ATP6V1C1: variants seen among roughly 807,000 people sequenced by gnomAD.
ATP6V1C1 encodes the protein ATPase H+ transporting V1 subunit C1, also known as V-type proton ATPase subunit C 1.
A neutral mutation model predicts 53.9 loss-of-function variants in ATP6V1C1; 45 were observed. The observed-to-expected ratio is 0.83, with a 90% confidence interval of 0.66 to 1.07. The LOEUF (loss-of-function observed/expected upper bound fraction) is 1.07, where lower values mean the gene tolerates loss of function less well. Ranked by LOEUF, ATP6V1C1 falls within the 50% of genes least tolerant of loss-of-function variation. ATP6V1C1 has a pLI of 0.00. For synonymous variants in ATP6V1C1, 153 were observed against 155.2 expected, an observed-to-expected ratio of 0.99 and a Z score of 0.11; for missense variants, 315 against 440.3, an observed-to-expected ratio of 0.72 and a Z score of 2.55.
chr8:103,055,930 C>A lies in ATP6V1C1; in HGVS notation c.635C>A (p.Ser212Tyr). ...ETLAEMVVPR[S>Y]SNVLSEDQDS... Reference sequence around the variant, plus strand: ...CTAGCCGAAATGGTAGTTCCAAGGTCTAGCAAGTAAGTAGAAGTCTTTGTA... The same window carrying A: ...CTAGCCGAAATGGTAGTTCCAAGGTATAGCAAGTAAGTAGAAGTCTTTGTA... The change falls in exon 8 of 13, where the codon TCT becomes TAT. Residue 212 changes from serine to tyrosine, a missense_variant. Physicochemically the swap from Ser to Tyr is moderately radical, Grantham distance 144. Coordinates refer to ENST00000518738, the MANE Select transcript of ATP6V1C1 (RefSeq NM_001695.5). 1.2e-6 allele frequency: 2 copies of A among 1,611,524 alleles called. No individual in the cohort carries two copies. Among genetic ancestry groups the A allele is most frequent in the South Asian group, 1.1e-5 (1 of 90,942 alleles).
At position 103,070,792 on chromosome 8, in the gene ATP6V1C1, G is replaced by A. The variant is rs1046636041; in HGVS notation, c.*2045G>A. The A allele has an allele frequency of 6.6e-6, 1 of 152,214 alleles. No individual in the cohort carries two copies. The highest frequency in any genetic ancestry group is 2.4e-5 in the African/African-American group (1 of 41,452). The allele number at this position is 152,214 out of a possible 1,614,324, so 9.4% of individuals were successfully genotyped here. On this transcript the variant is annotated 3_prime_UTR_variant, in exon 13 of 13. Transcript: ENST00000518738. Reference sequence around the variant, plus strand: ...ATTATAGCAGAGTGGCTGAGCATGTGCTCTGAGGCCAGGCCCCAGCTCTGC... The same window carrying A: ...ATTATAGCAGAGTGGCTGAGCATGTACTCTGAGGCCAGGCCCCAGCTCTGC...
intron 8 of ATP6V1C1, among the ~76,000 whole-genome samples, chr8:103,062,178 T>TG (rs1817412890): frequency 7.3e-6 from 1 of 136,994 alleles, no homozygotes; most frequent in Non-Finnish European, 1.6e-5. Context: ...TTTTTTTTTT[T>TG]TTTTTTTTTT....
At chr8:103,068,583 G>T in intron 12 of ATP6V1C1, 69 bp from the exon 13 acceptor site, 1 of 1,225,294 alleles carries the variant, frequency 8.2e-7, no homozygotes. Context: ...AAAGGTAAAT[G>T]TTAATACTTG....
chr8:103,058,156 C>A (rs911800614), intron 8 of ATP6V1C1, among the ~76,000 whole-genome samples: 1 of 152,212 alleles, frequency 6.6e-6, no homozygotes, highest in East Asian at 1.9e-4. Context: ...AGATTTAGAT[C>A]TTTGGACAGT....
intron 1 of ATP6V1C1, among the ~76,000 whole-genome samples, chr8:103,028,925 A>G (rs2458294): frequency 0.046 from 7,017 of 152,276 alleles, 194 homozygotes; most frequent in African/African-American, 0.066. Context: ...AATGGTCTCT[A>G]AACTTTTCAG....
At chr8:103,023,273 G>T (rs1256863859) in intron 1 of ATP6V1C1, among the ~76,000 whole-genome samples, 8 of 148,550 alleles carry the variant, frequency 5.4e-5, no homozygotes, top group Non-Finnish European at 8.9e-5. Flanking sequence ...ATTGAGACAG[G>T]TTGTGGCTTT....
chr8:103,053,095 C>T (rs906618606), intron 6 of ATP6V1C1, among the ~76,000 whole-genome samples: 1 of 151,958 alleles, frequency 6.6e-6, no homozygotes, highest in African/African-American at 2.4e-5. Flanking sequence ...TGATATTTCA[C>T]TGAAAAATAG....
At chr8:103,064,406 C>T (rs1331263901) in intron 10 of ATP6V1C1, among the ~76,000 whole-genome samples, 1 of 152,132 alleles carries the variant, frequency 6.6e-6, no homozygotes, top group African/African-American at 2.4e-5. Flanking sequence ...GATTTTCCAA[C>T]CTAAGGCATT....
At chr8:103,053,767 A>G (rs1817241257) in intron 6 of ATP6V1C1, 117 bp from the exon 7 acceptor site, 8 of 698,822 alleles carry the variant, frequency 1.1e-5, no homozygotes, top group Non-Finnish European at 1.9e-5. Context: ...ATGTTGACTA[A>G]GACTAATCCC....
chr8:103,037,228 A>T (rs1295529833), intron 1 of ATP6V1C1, among the ~76,000 whole-genome samples: 1 of 152,190 alleles, frequency 6.6e-6, no homozygotes, highest in Non-Finnish European at 1.5e-5. Flanking sequence ...ACTTCTTGAG[A>T]TAGGTTCTGG....
intron 12 of ATP6V1C1, among the ~76,000 whole-genome samples, chr8:103,068,261 A>G (rs2458282): frequency 0.039 from 5,938 of 152,340 alleles, 130 homozygotes; most frequent in East Asian, 0.046. Context: ...CAGAATAAGT[A>G]TTACTTATAA....
chr8:103,064,593 G>A, intron 10 of ATP6V1C1, 121 bp from the exon 11 acceptor site: 2 of 714,422 alleles, frequency 2.8e-6, no homozygotes. Context: ...CATGTAGAAA[G>A]TGAATTATGC....
intron 5 of ATP6V1C1, 92 bp downstream of exon 5, chr8:103,051,236 A>T: frequency 1.1e-6 from 1 of 903,766 alleles, no homozygotes. Flanking sequence ...TTAGGTTTTG[A>T]TAAGGCAACT....
At chr8:103,065,959 T>C (rs1817481434) in intron 11 of ATP6V1C1, among the ~76,000 whole-genome samples, 1 of 151,682 alleles carries the variant, frequency 6.6e-6, no homozygotes, top group South Asian at 2.1e-4. Context: ...GGAGAATGGC[T>C]TGAACCCAGG....
chr8:103,040,993 T>C (rs775072347), intron 2 of ATP6V1C1, 25 bp downstream of exon 2: 5 of 1,603,658 alleles, frequency 3.1e-6, no homozygotes, highest in East Asian at 2.3e-5. Context: ...TGCAAAATTA[T>C]ATATGAGTTC....
At chr8:103,055,706 T>G (rs1377338244) in intron 7 of ATP6V1C1, among the ~76,000 whole-genome samples, 162 bp from the exon 8 acceptor site, 1 of 152,200 alleles carries the variant, frequency 6.6e-6, no homozygotes, top group Non-Finnish European at 1.5e-5. Flanking sequence ...GTATTTGAAA[T>G]TCATTCTCAG....
intron 1 of ATP6V1C1, among the ~76,000 whole-genome samples, chr8:103,034,139 A>G (rs1308506848): frequency 6.6e-6 from 1 of 152,174 alleles, no homozygotes; most frequent in Non-Finnish European, 1.5e-5. Context: ...CCTCAACTGT[A>G]GAGATCATCA....
intron 7 of ATP6V1C1, among the ~76,000 whole-genome samples, chr8:103,055,481 A>G (rs564617055): frequency 6.6e-6 from 1 of 152,086 alleles, no homozygotes; most frequent in Admixed American, 6.6e-5. Flanking sequence ...GTTTTTTTTC[A>G]GTCCTTCATA....
intron 11 of ATP6V1C1, 74 bp from the exon 12 acceptor site, chr8:103,066,241 TATGAGA>T: frequency 6.8e-7 from 1 of 1,472,804 alleles, no homozygotes; most frequent in East Asian, 2.3e-5. Flanking sequence ...GATTAAAGAG[TATGAGA>T]ATATTTGCTT....
Sources: allele counts gnomAD v4.1 joint callset (sites outside exome capture counted in the v4.1 genomes callset), GRCh38; gene constraint gnomAD v4.1.1; transcripts MANE v1.5; gene names NCBI Gene and HGNC (gene_info 2026-07-23, HGNC 2026-07-21).